Variants in ZMAT4 observed in about 807,000 individuals in gnomAD.
The protein encoded by ZMAT4 is zinc finger matrin-type 4.
In ZMAT4, 17 loss-of-function variants were observed where a neutral mutation model predicts 28.7. The observed-to-expected ratio is 0.59, with a 90% confidence interval of 0.41 to 0.89. ZMAT4 has a LOEUF of 0.89. ZMAT4 is among the 40% of genes least tolerant of loss of function. The pLI, the probability that ZMAT4 is intolerant of heterozygous loss-of-function variation, is 0.00. For synonymous variants in ZMAT4, 117 were observed against 109.2 expected, an observed-to-expected ratio of 1.07 and a Z score of -0.44; for missense variants, 240 against 283.8, an observed-to-expected ratio of 0.85 and a Z score of 1.11.
chr8:40,638,875 T>G (rs543925277), intron 5 of ZMAT4, among the ~76,000 whole-genome samples: 30 of 152,368 alleles, frequency 2.0e-4, no homozygotes, highest in South Asian at 1.9e-3. Context: ...ATGCACATTA[T>G]AAATATTAAG....
chr8:40,650,224 T>TA (rs1459174284), intron 5 of ZMAT4, among the ~76,000 whole-genome samples: 2 of 151,704 alleles, frequency 1.3e-5, no homozygotes, highest in East Asian at 3.9e-4. Context: ...ATAGACGCAA[T>TA]AAAAAATGAT....
At chr8:40,664,431 C>T (rs892560380) in intron 5 of ZMAT4, among the ~76,000 whole-genome samples, 8 of 152,160 alleles carry the variant, frequency 5.3e-5, no homozygotes, top group African/African-American at 1.9e-4. Flanking sequence ...AACCATAAAA[C>T]CAGGTTGCCA....
intron 2 of ZMAT4, among the ~76,000 whole-genome samples, chr8:40,770,421 GC>G (rs1813339036): frequency 1.3e-5 from 2 of 151,964 alleles, no homozygotes; most frequent in Non-Finnish European, 2.9e-5. Flanking sequence ...TCTACAGCTT[GC>G]CCTGCCTCCA....
intron 6 of ZMAT4, among the ~76,000 whole-genome samples, chr8:40,562,616 G>A (rs1291241330): frequency 6.6e-6 from 1 of 151,958 alleles, no homozygotes; most frequent in African/African-American, 2.4e-5. Context: ...GGGGCACACT[G>A]GTAAGGAACT....
rs562756256 is a variant in ZMAT4, at chr8:40,650,949, G to A, written c.577+23755C>T. Among the ~76,000 whole-genome samples, 644 of 151,296 alleles carry A rather than the reference G, an allele frequency of 4.3e-3. 5 individuals are homozygous for A. The highest frequency in any genetic ancestry group is 0.015 in the African/African-American group (614 of 41,316). On this transcript the variant is annotated intron_variant, in intron 5 of 6. Coordinates refer to ENST00000297737, the MANE Select transcript of ZMAT4 (RefSeq NM_024645.3). Reference sequence around the variant, plus strand: ...TCTCAAAATAATAAGAGCTATCTATGACAAACCCACAGCCAATATCATACT... The same window carrying A: ...TCTCAAAATAATAAGAGCTATCTATAACAAACCCACAGCCAATATCATACT...
At chr8:40,829,822 T>G in intron 1 of ZMAT4, among the ~76,000 whole-genome samples, 1 of 151,542 alleles carries the variant, frequency 6.6e-6, no homozygotes, top group Non-Finnish European at 1.5e-5. Context: ...GAGAAATGAG[T>G]TCCAACTCAG....
chr8:40,688,450 C>A (rs1318362233), intron 4 of ZMAT4, among the ~76,000 whole-genome samples: 1 of 151,902 alleles, frequency 6.6e-6, no homozygotes, highest in Non-Finnish European at 1.5e-5. Flanking sequence ...GGCAAGACTC[C>A]ATCTCAAAAG....
chr8:40,542,755 T>C (rs1803081682), intron 6 of ZMAT4, among the ~76,000 whole-genome samples: 1 of 152,196 alleles, frequency 6.6e-6, no homozygotes, highest in Non-Finnish European at 1.5e-5. Context: ...GAAACAACAT[T>C]ATGTAACAGA....
chr8:40,533,682 A>G (rs895830298), intron 6 of ZMAT4, among the ~76,000 whole-genome samples: 2 of 152,258 alleles, frequency 1.3e-5, no homozygotes, highest in African/African-American at 4.8e-5. Context: ...GGTATAATGT[A>G]GACTAAAAAA....
chr8:40,780,293 T>C (rs752533197), intron 2 of ZMAT4, among the ~76,000 whole-genome samples: 2 of 152,202 alleles, frequency 1.3e-5, no homozygotes, highest in Non-Finnish European at 2.9e-5. Context: ...GCAAAAATCA[T>C]CTACCACAAA....
At chr8:40,890,662 T>C (rs1168051397) in intron 1 of ZMAT4, among the ~76,000 whole-genome samples, 1 of 152,164 alleles carries the variant, frequency 6.6e-6, no homozygotes, top group East Asian at 1.9e-4. Context: ...AGCATGTCAT[T>C]TCCTGCCTGA....
At chr8:40,614,219 T>C (rs1253402890) in intron 5 of ZMAT4, among the ~76,000 whole-genome samples, 2 of 152,214 alleles carry the variant, frequency 1.3e-5, no homozygotes, top group East Asian at 3.8e-4. Context: ...TCAAGCTCTC[T>C]TTTCTAGGAA....
intron 3 of ZMAT4, among the ~76,000 whole-genome samples, chr8:40,744,028 T>C (rs1812121450): frequency 6.6e-6 from 1 of 152,082 alleles, no homozygotes; most frequent in Non-Finnish European, 1.5e-5. Context: ...GCAAGGAGTA[T>C]CAGGTTTGAC....
At chr8:40,790,159 C>A (rs932897998) in intron 2 of ZMAT4, among the ~76,000 whole-genome samples, 1 of 152,144 alleles carries the variant, frequency 6.6e-6, no homozygotes, top group Non-Finnish European at 1.5e-5. Flanking sequence ...TGAATAAATA[C>A]GCTTTGTTTG....
chr8:40,657,469 T>C (rs929538883), intron 5 of ZMAT4, among the ~76,000 whole-genome samples: 6 of 152,074 alleles, frequency 3.9e-5, no homozygotes, highest in African/African-American at 1.4e-4. Context: ...TTTCTTGCAG[T>C]ACTTTAAAGA....
chr8:40,686,304 CAGG>C (rs928630154), intron 4 of ZMAT4, among the ~76,000 whole-genome samples: 4 of 151,906 alleles, frequency 2.6e-5, no homozygotes, highest in African/African-American at 9.7e-5. Context: ...TGCTTGAAAC[CAGG>C]AGTTCAAGAC....
In ZMAT4 at chr8:40,876,611, G is replaced by A. The variant is rs143452921; in HGVS notation, c.-5+21072C>T. Among the ~76,000 whole-genome samples the A allele has an allele frequency of 5.6e-3, 846 of 152,246 alleles. 3 individuals are homozygous for A. The highest frequency in any genetic ancestry group is 0.011 in the Admixed American group (175 of 15,296). Reference sequence around the variant, plus strand: ...GTTATAGGCATGAGCCACTGCACCCGGCCTGCTTATGATCTTCTTCATAGT... The same window carrying A: ...GTTATAGGCATGAGCCACTGCACCCAGCCTGCTTATGATCTTCTTCATAGT... On this transcript the variant is annotated intron_variant, in intron 1 of 6. Coordinates refer to ENST00000297737, the MANE Select transcript of ZMAT4 (RefSeq NM_024645.3).
Position 40,871,252 on chromosome 8 carries a change from GAGA to G in ZMAT4, c.-5+26428_-5+26430del, listed in dbSNP as rs1817845150. On this transcript the variant is annotated intron_variant, in intron 1 of 6. Transcript: ENST00000297737. ...CAGAGCAAATAAAGAGGCCCAAGAA[GAGA>G]AGATTAGTACAATTCTATGAGTGCA... Among the ~76,000 whole-genome samples the G allele has an allele frequency of 2.0e-5, 3 of 152,282 alleles. No individual in the cohort carries two copies. In the South Asian group the frequency reaches 6.2e-4, roughly 32 times the overall value.
chr8:40,862,737 C>T (rs1007420281), intron 1 of ZMAT4, among the ~76,000 whole-genome samples: 5 of 151,654 alleles, frequency 3.3e-5, no homozygotes, highest in South Asian at 2.1e-4. Flanking sequence ...AACCAAACAC[C>T]GCATGTTCTC....
Sources: allele counts gnomAD v4.1 joint callset (sites outside exome capture counted in the v4.1 genomes callset), GRCh38; gene constraint gnomAD v4.1.1; transcripts MANE v1.5; gene names NCBI Gene and HGNC (gene_info 2026-07-23, HGNC 2026-07-21).